The following MALRD1 variants were observed in gnomAD, a reference collection of about 807,000 sequenced individuals.
The protein encoded by MALRD1 is MAM and LDL receptor class A domain containing 1.
MALRD1 carries 247 observed loss-of-function variants against 242.1 expected under a neutral mutation model. The observed-to-expected ratio is 1.02, with a 90% CI of 0.92 to 1.13. The LOEUF is 1.13. Among genes scored for constraint, MALRD1 ranks in the 50% most tolerant of loss-of-function variants. The pLI is 0.00. For missense variants in MALRD1, 2,989 were observed against 2,533.1 expected, an observed-to-expected ratio of 1.18 and a Z score of -3.86; for synonymous variants, 995 against 866.6, an observed-to-expected ratio of 1.15 and a Z score of -2.60.
At chr10:19,477,013 T>C (rs560953777) in intron 29 of MALRD1, among the ~76,000 whole-genome samples, 2 of 152,328 alleles carry the variant, frequency 1.3e-5, no homozygotes, top group South Asian at 4.1e-4. Flanking sequence ...GGATCAATGG[T>C]AGTAAACTCT....
At chr10:19,412,467 G>A (rs1264874549) in intron 28 of MALRD1, among the ~76,000 whole-genome samples, 2 of 152,154 alleles carry the variant, frequency 1.3e-5, no homozygotes, top group African/African-American at 4.8e-5. Context: ...TATGGGGGCT[G>A]AAACGTCTCT....
rs574706552 is a variant in MALRD1 at position 19,442,315 on chromosome 10, T to A, written c.4846-7992T>A. ...TTGACTTCCTTTTTTCCTAATTGAA[T>A]ACCCTTTATTTCTTTCTCCTGTCTG... On this transcript the variant is annotated intron_variant, in intron 28 of 39. Transcript: ENST00000454679. 5.3e-5 allele frequency among the ~76,000 whole-genome samples: 8 copies of A among 152,328 alleles called. No individual in the cohort carries two copies. The South Asian group carries it at 1.7e-3, about 32-fold the overall frequency.
intron 34 of MALRD1, among the ~76,000 whole-genome samples, chr10:19,596,556 C>A (rs541957236): frequency 4.0e-5 from 6 of 151,830 alleles, no homozygotes; most frequent in Non-Finnish European, 8.8e-5. Flanking sequence ...TAGTGAGAAC[C>A]CATCTATACA....
At chr10:19,082,590 A>T (rs1835527909) in intron 2 of MALRD1, among the ~76,000 whole-genome samples, 1 of 151,742 alleles carries the variant, frequency 6.6e-6, no homozygotes, top group Non-Finnish European at 1.5e-5. Flanking sequence ...GACATTGTGT[A>T]TTGATTGCTT....
At chr10:19,379,258 G>A (rs1281581352) in intron 26 of MALRD1, among the ~76,000 whole-genome samples, 2 of 151,900 alleles carry the variant, frequency 1.3e-5, no homozygotes, top group African/African-American at 4.8e-5. Flanking sequence ...ACAGCTTTTG[G>A]TTGAACTGCT....
chr10:19,412,093 G>C (rs138403860), intron 28 of MALRD1, among the ~76,000 whole-genome samples: 2,540 of 152,274 alleles, frequency 0.017, 61 homozygotes, highest in African/African-American at 0.057. Flanking sequence ...GAATTCAGGA[G>C]TTCAAGACCA....
intron 36 of MALRD1, among the ~76,000 whole-genome samples, chr10:19,680,109 AT>A (rs1363603268): frequency 6.6e-6 from 1 of 152,120 alleles, no homozygotes; most frequent in Non-Finnish European, 1.5e-5. Flanking sequence ...AAGAATGTAT[AT>A]TCTTTTGTTT....
intron 18 of MALRD1, among the ~76,000 whole-genome samples, chr10:19,210,574 G>A (rs371611807): frequency 4.6e-5 from 7 of 152,222 alleles, no homozygotes; most frequent in African/African-American, 1.7e-4. Flanking sequence ...CCTGTCCCTG[G>A]CTAAACTTTT....
At chr10:19,170,175 T>C (rs1016326336) in intron 13 of MALRD1, among the ~76,000 whole-genome samples, 2 of 152,228 alleles carry the variant, frequency 1.3e-5, no homozygotes, top group Admixed American at 1.3e-4. Flanking sequence ...CTCTATTTCT[T>C]GTGAGAGTTT....
At chr10:19,341,530 ATATAC>A (rs1843874218) in intron 24 of MALRD1, among the ~76,000 whole-genome samples, 1 of 145,970 alleles carries the variant, frequency 6.9e-6, no homozygotes, top group African/African-American at 2.5e-5. Context: ...ATATGTATAT[ATATAC>A]ACACATATAT....
At chr10:19,638,704 A>G (rs1008616418) in intron 36 of MALRD1, among the ~76,000 whole-genome samples, 2 of 152,190 alleles carry the variant, frequency 1.3e-5, no homozygotes, top group African/African-American at 2.4e-5. Flanking sequence ...TTTGTTTGCA[A>G]TGATTATGGC....
At chr10:19,174,940 C>T (rs1835168448) in intron 13 of MALRD1, among the ~76,000 whole-genome samples, 1 of 152,028 alleles carries the variant, frequency 6.6e-6, no homozygotes, top group African/African-American at 2.4e-5. Flanking sequence ...CTTAATGGCT[C>T]CAATGAGAAG....
At chr10:19,580,499 A>G (rs1247561492) in intron 33 of MALRD1, among the ~76,000 whole-genome samples, 1 of 152,130 alleles carries the variant, frequency 6.6e-6, no homozygotes, top group Non-Finnish European at 1.5e-5. Flanking sequence ...CTGCCCAGCT[A>G]TCTTCTCCAA....
intron 31 of MALRD1, among the ~76,000 whole-genome samples, chr10:19,499,139 G>A (rs1459060939): frequency 6.6e-6 from 1 of 152,124 alleles, no homozygotes; most frequent in Non-Finnish European, 1.5e-5. Context: ...ATCTTCACAA[G>A]TGTTGCTTTC....
intron 32 of MALRD1, among the ~76,000 whole-genome samples, chr10:19,541,757 A>C (rs894413435): frequency 6.6e-6 from 1 of 152,220 alleles, no homozygotes; most frequent in African/African-American, 2.4e-5. Flanking sequence ...TCACTGGCTC[A>C]TATTAACACT....
chr10:19,177,047 C>G (rs532285329), intron 14 of MALRD1, among the ~76,000 whole-genome samples: 89 of 151,984 alleles, frequency 5.9e-4, no homozygotes, highest in African/African-American at 1.7e-3. Flanking sequence ...GAGGCTGAGC[C>G]GGGCGGATCA....
At chr10:19,097,350 A>G (rs760200761) in intron 4 of MALRD1, among the ~76,000 whole-genome samples, 1 of 152,218 alleles carries the variant, frequency 6.6e-6, no homozygotes, top group Non-Finnish European at 1.5e-5. Flanking sequence ...CGGAAAAAAA[A>G]GCCCAACCTC....
intron 21 of MALRD1, among the ~76,000 whole-genome samples, chr10:19,316,048 A>G (rs1338657037): frequency 6.6e-6 from 1 of 150,434 alleles, no homozygotes; most frequent in Non-Finnish European, 1.5e-5. Flanking sequence ...CCTCCTTTAT[A>G]TTGGTACTAT....
intron 36 of MALRD1, among the ~76,000 whole-genome samples, chr10:19,616,236 T>C (rs1301146119): frequency 6.6e-6 from 1 of 152,074 alleles, no homozygotes; most frequent in East Asian, 1.9e-4. Flanking sequence ...TTTTCTGATA[T>C]GAATATCTTT....
Sources: allele counts gnomAD v4.1 joint callset (sites outside exome capture counted in the v4.1 genomes callset), GRCh38; gene constraint gnomAD v4.1.1; transcripts MANE v1.5; gene names NCBI Gene and HGNC (gene_info 2026-07-23, HGNC 2026-07-21).